DMD: variants seen among roughly 807,000 people sequenced by gnomAD.
DMD encodes the protein mutant dystrophin.
A neutral mutation model predicts 330.1 loss-of-function variants in DMD; 63 were observed. That is an observed-to-expected ratio of 0.19 (90% CI 0.16 to 0.24). DMD has a LOEUF of 0.24. Among genes scored for constraint, DMD ranks in the 10% least tolerant of loss-of-function variants. The pLI is 1.00. For synonymous variants in DMD, 1,223 were observed against 959.8 expected, an observed-to-expected ratio of 1.27 and a Z score of -5.07; for missense variants, 3,344 against 2,684.1, an observed-to-expected ratio of 1.25 and a Z score of -5.43.
chrX:31,706,147 TA>T (rs59287838), intron 52 of DMD, among the ~76,000 whole-genome samples: 599 of 83,007 alleles, frequency 7.2e-3, no homozygotes, highest in African/African-American at 9.9e-3. Context: ...TTTTAGCTGT[TA>T]AAAAAAAAAA....
At chrX:31,951,137 A>ATG (rs1271445206) in intron 45 of DMD, among the ~76,000 whole-genome samples, 1 of 77,886 alleles carries the variant, frequency 1.3e-5, no homozygotes, top group African/African-American at 5.7e-5. Flanking sequence ...ATATATATAT[A>ATG]TATGTGTATA....
At chrX:32,424,890 T>G (rs2098205267) in intron 29 of DMD, among the ~76,000 whole-genome samples, 1 of 111,423 alleles carries the variant, frequency 9.0e-6, no homozygotes, top group African/African-American at 3.3e-5. Flanking sequence ...AGAAGATACT[T>G]CAGACTAGAA....
chrX:32,418,413 G>T (rs527800014), intron 29 of DMD, among the ~76,000 whole-genome samples: 1 of 111,609 alleles, frequency 9.0e-6, no homozygotes, highest in Admixed American at 9.5e-5. Flanking sequence ...CATTATAGTA[G>T]TATCACATGA....
intron 13 of DMD, among the ~76,000 whole-genome samples, chrX:32,583,114 C>T (rs1476363530): frequency 8.9e-6 from 1 of 112,211 alleles, no homozygotes; most frequent in African/African-American, 3.2e-5. Context: ...TCTCTCTCTC[C>T]TATGGCAATA....
In DMD at chrX:32,723,935, T is replaced by C. The variant is rs7880001; in HGVS notation, c.650-24642A>G. ...TTTAAGAAAGTGGGTGAATTACAGTTAGGCTGCATTCAAAGCTGTCCTGGG... is the reference window on the plus strand; with the variant it reads ...TTTAAGAAAGTGGGTGAATTACAGTCAGGCTGCATTCAAAGCTGTCCTGGG... On this transcript the variant is annotated intron_variant, in intron 7 of 78. Coordinates refer to ENST00000357033, the MANE Select transcript of DMD (RefSeq NM_004006.3). 3.0e-3 allele frequency among the ~76,000 whole-genome samples: 334 copies of C among 111,032 alleles called. 3 individuals carry two copies. The highest frequency in any genetic ancestry group is 0.011 in the African/African-American group (323 of 30,668).
chrX:32,703,466 G>C (rs1161080775), intron 7 of DMD, among the ~76,000 whole-genome samples: 1 of 111,745 alleles, frequency 8.9e-6, no homozygotes, highest in Non-Finnish European at 1.9e-5. Flanking sequence ...AATTTACTTA[G>C]AAGGAAAAAG....
intron 13 of DMD, among the ~76,000 whole-genome samples, chrX:32,586,465 T>C (rs1218839335): frequency 9.2e-6 from 1 of 108,988 alleles, no homozygotes; most frequent in Non-Finnish European, 1.9e-5. Flanking sequence ...GTTTATATTA[T>C]ATATATTTGT....
At chrX:31,295,823 G>C (rs1183266739) in intron 62 of DMD, among the ~76,000 whole-genome samples, 1 of 112,133 alleles carries the variant, frequency 8.9e-6, no homozygotes, top group Non-Finnish European at 1.9e-5. Context: ...CCAAAGAAGA[G>C]GCAGCTCTCA....
chrX:31,289,177 G>A (rs1336668323), intron 62 of DMD, among the ~76,000 whole-genome samples: 1 of 103,574 alleles, frequency 9.7e-6, no homozygotes, highest in Non-Finnish European at 2.0e-5. Context: ...CACTCGAGAG[G>A]CTGAGGCGGG....
chrX:31,651,653 T>C, intron 54 of DMD, among the ~76,000 whole-genome samples: 1 of 111,426 alleles, frequency 9.0e-6, no homozygotes, highest in Non-Finnish European at 1.9e-5. Flanking sequence ...GATGACCCCA[T>C]CTTTCCGTTG....
chrX:31,665,142 A>G (rs755179811), intron 53 of DMD, among the ~76,000 whole-genome samples: 91 of 111,933 alleles, frequency 8.1e-4, no homozygotes, highest in African/African-American at 2.9e-3. Flanking sequence ...GTTTCATTTC[A>G]ATTCAGTTAA....
chrX:32,610,575 T>C (rs1277370031), intron 12 of DMD, among the ~76,000 whole-genome samples: 1 of 111,136 alleles, frequency 9.0e-6, no homozygotes, highest in African/African-American at 3.3e-5. Flanking sequence ...AACATTTTAA[T>C]CTTGCCCTCC....
chrX:31,854,192 T>C (rs1394659667), intron 48 of DMD, among the ~76,000 whole-genome samples: 1 of 112,442 alleles, frequency 8.9e-6, no homozygotes, highest in African/African-American at 3.2e-5. Flanking sequence ...CAATAATCAA[T>C]TATAAGACTC....
At chrX:31,247,941 C>T (rs1034417095) in intron 63 of DMD, among the ~76,000 whole-genome samples, 3 of 111,570 alleles carry the variant, frequency 2.7e-5, no homozygotes, top group Non-Finnish European at 1.9e-5. Flanking sequence ...AGAAATCTTT[C>T]ACAAAAGGAA....
At chrX:31,149,254 G>A (rs1218674301) in intron 74 of DMD, among the ~76,000 whole-genome samples, 5 of 111,678 alleles carry the variant, frequency 4.5e-5, no homozygotes, top group Non-Finnish European at 9.4e-5. Context: ...CGATGCTTCC[G>A]CAAAACATCA....
intron 60 of DMD, among the ~76,000 whole-genome samples, chrX:31,357,612 G>C (rs1165991727): frequency 4.5e-5 from 5 of 110,786 alleles, no homozygotes; most frequent in Non-Finnish European, 7.6e-5. Flanking sequence ...ACCCTTAACC[G>C]AGGAAATCAA....
In DMD at chrX:32,893,974, G is replaced by A. The variant is rs2085460607; in HGVS notation, c.94-44154C>T. On this transcript the variant is annotated intron_variant, in intron 2 of 78. Coordinates refer to ENST00000357033, the MANE Select transcript of DMD (RefSeq NM_004006.3). Reference sequence around the variant, plus strand: ...GCACTGGGTGGCCGGTGCCATTCCAGTGTGTGCCTCTGGACGTGACACATC... The same window carrying A: ...GCACTGGGTGGCCGGTGCCATTCCAATGTGTGCCTCTGGACGTGACACATC... Among the ~76,000 whole-genome samples the A allele has an allele frequency of 1.8e-5, 2 of 110,795 alleles. 1 individual carries two copies. The highest frequency in any genetic ancestry group is 7.7e-4 in the South Asian group (2 of 2,584).
intron 55 of DMD, among the ~76,000 whole-genome samples, chrX:31,569,605 TGTATATAC>T (rs1461545963): frequency 6.7e-5 from 6 of 89,601 alleles, no homozygotes; most frequent in Non-Finnish European, 1.1e-4. Flanking sequence ...TACACATATA[TGTATATAC>T]GTATATATAC....
chrX:32,568,325 T>C (rs1402472421), intron 15 of DMD, among the ~76,000 whole-genome samples: 1 of 110,549 alleles, frequency 9.0e-6, no homozygotes, highest in Non-Finnish European at 1.9e-5. Context: ...CTGGCCAACA[T>C]AGTGAAACCT....
Sources: gnomAD v4.1 joint callset for allele counts (sites outside exome capture counted in the v4.1 genomes callset) on GRCh38, gnomAD v4.1.1 for gene constraint, MANE v1.5 for transcripts, NCBI Gene and HGNC (gene_info 2026-07-23, HGNC 2026-07-21) for gene names.